Variants in MSRA observed in about 807,000 individuals in gnomAD.
MSRA encodes mitochondrial peptide methionine sulfoxide reductase.
In MSRA, 54 loss-of-function variants were observed where a neutral mutation model predicts 31.3. The observed-to-expected ratio is 1.73, with a 90% CI of 1.39 to 2.17. The LOEUF is 2.17. MSRA is among the 30% of genes most tolerant of loss of function. The pLI, the probability that MSRA is intolerant of heterozygous loss-of-function variation, is 0.00. For missense variants in MSRA, 507 were observed against 300.9 expected, an observed-to-expected ratio of 1.69 and a Z score of -5.07; for synonymous variants, 169 against 116.5, an observed-to-expected ratio of 1.45 and a Z score of -2.90.
At chr8:10,281,264 C>G (rs1265169192) in intron 3 of MSRA, among the ~76,000 whole-genome samples, 1 of 152,188 alleles carries the variant, frequency 6.6e-6, no homozygotes, top group Non-Finnish European at 1.5e-5. Flanking sequence ...TTTGTTTGTG[C>G]TGATTCTTAC....
chr8:10,349,912 CT>C (rs1392774864), intron 5 of MSRA, among the ~76,000 whole-genome samples: 2 of 152,230 alleles, frequency 1.3e-5, no homozygotes, highest in Non-Finnish European at 2.9e-5. Context: ...CTGTCACCCC[CT>C]TTTGTTACAG....
intron 1 of MSRA, among the ~76,000 whole-genome samples, chr8:10,150,072 C>T (rs1273781933): frequency 6.6e-6 from 1 of 151,558 alleles, no homozygotes; most frequent in Non-Finnish European, 1.5e-5. Context: ...CCCAGGAACA[C>T]TTTAATAAAA....
At chr8:10,113,903 A>G (rs1229300390) in intron 1 of MSRA, among the ~76,000 whole-genome samples, 2 of 152,086 alleles carry the variant, frequency 1.3e-5, no homozygotes, top group Admixed American at 6.5e-5. Context: ...ACCACTGTCT[A>G]ATTACAGAAC....
rs1478118486 is a variant in MSRA at position 10,191,822 on chromosome 8, G to A, written c.143-16011G>A. Among the ~76,000 whole-genome samples, 3 of 151,894 alleles carry A rather than the reference G, an allele frequency of 2.0e-5. No homozygotes were observed. The East Asian group carries it at 5.8e-4, about 29-fold the overall frequency. ...AAATTGCATTATTTTTCTTTTATTAGAACACATTACTGTATTAATTTTCTA... is the reference window on the plus strand; with the variant it reads ...AAATTGCATTATTTTTCTTTTATTAAAACACATTACTGTATTAATTTTCTA... On this transcript the variant is annotated intron_variant, in intron 1 of 5. Transcript: ENST00000317173.
chr8:10,197,565 ACTGT>A (rs1808102396), intron 1 of MSRA, among the ~76,000 whole-genome samples: 1 of 152,170 alleles, frequency 6.6e-6, no homozygotes, highest in Non-Finnish European at 1.5e-5. Context: ...ACCAGTAAGC[ACTGT>A]GCAAATACCA....
At chr8:10,312,836 C>A (rs965952026) in intron 4 of MSRA, among the ~76,000 whole-genome samples, 10 of 152,216 alleles carry the variant, frequency 6.6e-5, no homozygotes, top group African/African-American at 2.4e-4. Flanking sequence ...GTACTGAATA[C>A]AATTCAGTAT....
At chr8:10,143,906 C>A (rs943976909) in intron 1 of MSRA, among the ~76,000 whole-genome samples, 4 of 152,178 alleles carry the variant, frequency 2.6e-5, no homozygotes, top group African/African-American at 9.6e-5. Context: ...TTTGTAGATT[C>A]TTGTCTGCTG....
intron 1 of MSRA, among the ~76,000 whole-genome samples, chr8:10,162,691 A>C (rs1466559174): frequency 1.3e-5 from 2 of 152,156 alleles, no homozygotes; most frequent in African/African-American, 4.8e-5. Context: ...GTAGGCACTG[A>C]AGGGGAAACC....
chr8:10,309,661 G>A (rs1292916732), intron 4 of MSRA, among the ~76,000 whole-genome samples: 1 of 152,164 alleles, frequency 6.6e-6, no homozygotes, highest in Non-Finnish European at 1.5e-5. Flanking sequence ...GGTTTCCTGG[G>A]GCCCCAGGGC....
At chr8:10,122,204 C>CT (rs1403607428) in intron 1 of MSRA, among the ~76,000 whole-genome samples, 1 of 152,120 alleles carries the variant, frequency 6.6e-6, no homozygotes. Flanking sequence ...ATGTACATGT[C>CT]TAGCATGTGA....
intron 1 of MSRA, among the ~76,000 whole-genome samples, chr8:10,146,743 C>G (rs949394792): frequency 6.6e-6 from 1 of 152,116 alleles, no homozygotes; most frequent in Admixed American, 6.5e-5. Context: ...CTGATGAAAT[C>G]ACACTTTCTG....
intron 5 of MSRA, among the ~76,000 whole-genome samples, chr8:10,365,066 G>A (rs146993873): frequency 6.9e-6 from 1 of 144,004 alleles, no homozygotes; most frequent in Admixed American, 7.3e-5. Context: ...TTGCCAAACA[G>A]ACAGATAGGA....
chr8:10,089,813 G>C (rs814427), intron 1 of MSRA, among the ~76,000 whole-genome samples: 117,489 of 151,808 alleles, frequency 0.77, 45,723 homozygotes, highest in African/African-American at 0.83. Context: ...TAACAACCCA[G>C]TCTCAGGGAA....
chr8:10,220,156 A>G (rs1378589764), intron 2 of MSRA, among the ~76,000 whole-genome samples: 2 of 152,192 alleles, frequency 1.3e-5, no homozygotes, highest in East Asian at 3.9e-4. Context: ...GTCCATAACC[A>G]CTAGGTGTTA....
chr8:10,149,123 CT>C (rs35648929), intron 1 of MSRA, among the ~76,000 whole-genome samples: 114,828 of 141,532 alleles, frequency 0.81, 47,475 homozygotes, highest in East Asian at 0.96. Flanking sequence ...ACCTGGCTAA[CT>C]TTTTTTTTTT....
chr8:10,107,607 A>G (rs772508361), intron 1 of MSRA, among the ~76,000 whole-genome samples: 1 of 152,200 alleles, frequency 6.6e-6, no homozygotes, highest in African/African-American at 2.4e-5. Flanking sequence ...GCATTTTTAA[A>G]AAAGGAAAAA....
At position 10,329,423 on chromosome 8, in the gene MSRA, C is replaced by T. The variant is rs565696000; in HGVS notation, c.543+9434C>T. Among the ~76,000 whole-genome samples, 14 of 152,332 alleles carry T rather than the reference C, an allele frequency of 9.2e-5. No homozygotes were observed. In the South Asian group the frequency reaches 2.3e-3, roughly 25 times the overall value. ...GCCACCTGCCTCATCCTCTTCTGGG[C>T]ATCTGATCTCGTCCTGCATCTCTCT... On this transcript the variant is annotated intron_variant, in intron 5 of 5. Transcript: ENST00000317173.
chr8:10,138,339 GA>G (rs1009596257), intron 1 of MSRA, among the ~76,000 whole-genome samples: 1 of 152,186 alleles, frequency 6.6e-6, no homozygotes, highest in African/African-American at 2.4e-5. Context: ...GGAGCCGCGG[GA>G]CACGGTGTGG....
intron 4 of MSRA, among the ~76,000 whole-genome samples, chr8:10,308,829 T>A (rs1801280411): frequency 6.6e-6 from 1 of 152,208 alleles, no homozygotes; most frequent in African/African-American, 2.4e-5. Context: ...AGACTGCAAG[T>A]CTTTGGAACC....
Sources: allele counts gnomAD v4.1 joint callset (sites outside exome capture counted in the v4.1 genomes callset), GRCh38; gene constraint gnomAD v4.1.1; transcripts MANE v1.5; gene names NCBI Gene and HGNC (gene_info 2026-07-23, HGNC 2026-07-21).